The following OR5T1 variants were observed in gnomAD, a reference collection of about 807,000 sequenced individuals.
OR5T1 encodes olfactory receptor family 5 subfamily T member 1.
A neutral mutation model predicts 10.1 loss-of-function variants in OR5T1; 14 were observed. That is an observed-to-expected ratio of 1.39 (90% confidence interval 0.92 to 2.18). OR5T1 has a LOEUF of 2.18. Among genes scored for constraint, OR5T1 ranks in the 30% most tolerant of loss-of-function variants. The probability of loss-of-function intolerance (pLI) is 0.00; values close to 1 mark genes in which losing one functional copy is unlikely to be tolerated. For synonymous variants in OR5T1, 166 were observed against 141.2 expected (o/e 1.18, Z -1.24); for missense variants, 461 against 383.9 (o/e 1.20, Z -1.68).
Position 56,275,658 on chromosome 11 carries a change from A to T in OR5T1, c.20A>T (p.Asp7Val). Residue 7 changes from aspartate (D) to valine (V), a missense_variant, in exon 3 of 3, where the codon GAT becomes GTT. By Grantham distance (152) the Asp-to-Val change is radical. Coordinates refer to ENST00000641665, the MANE Select transcript of OR5T1 (RefSeq NM_001004745.2). The stretch of plus-strand genomic sequence containing the variant: ...GCTAAAATGTCAGGGTTGCCTTCAG[A>T]TATGGATCTATACAAGCTTCAATTA... Reference protein sequence around the residue: MSGLPSDMDLYKLQLNN... With the variant: MSGLPSVMDLYKLQLNN... 1 of 1,585,662 alleles carries T rather than the reference A, an allele frequency of 6.3e-7. No homozygotes were observed.
chr11:56,276,305 A>G lies in OR5T1; in HGVS notation c.667A>G (p.Ile223Val), dbSNP rs1285809149. The change falls in exon 3 of 3, where the codon ATC becomes GTC. Residue 223 changes from isoleucine to valine, a missense_variant. Ile to Val is a conservative substitution (Grantham distance 29). Transcript: ENST00000641665. ...TGTGGGCTCTATTGAGATAGTCACTATCCTGATTGTCCTGATCTCCTATGG... is the reference window on the plus strand; with the variant it reads ...TGTGGGCTCTATTGAGATAGTCACTGTCCTGATTGTCCTGATCTCCTATGG... ...YFVGSIEIVT[I>V]LIVLISYGFI... The G allele has an allele frequency of 1.2e-5, 20 of 1,613,970 alleles. No individual in the cohort carries two copies. The highest frequency in any genetic ancestry group is 1.7e-5 in the Non-Finnish European group (20 of 1,179,992).
rs1431773332 is a variant in OR5T1 at position 56,275,827 on chromosome 11, G to A, written c.189G>A (p.Gly63=). Residue 63 remains glycine, a synonymous_variant, in exon 3 of 3, where the codon GGG becomes GGA. Transcript: ENST00000641665. ...GNLGLVVPII[G]DFWLHSPMYY... ...TAGGGCTGGTTGTACCGATCATTGGGGATTTCTGGCTTCACAGCCCAATGT... is the reference window on the plus strand; with the variant it reads ...TAGGGCTGGTTGTACCGATCATTGGAGATTTCTGGCTTCACAGCCCAATGT... The A allele has an allele frequency of 1.2e-6, 2 of 1,613,414 alleles. No individual in the cohort carries two copies. Among genetic ancestry groups the A allele is most frequent in the African/African-American group, 1.3e-5 (1 of 74,960 alleles).
Position 56,276,155 on chromosome 11 carries a change from G to A in OR5T1, c.517G>A (p.Val173Met), listed in dbSNP as rs1853938921. Residue 173 changes from valine (V) to methionine (M), a missense_variant, in exon 3 of 3, where the codon GTG becomes ATG. Physicochemically the swap from Val to Met is conservative, Grantham distance 21 (BLOSUM62 1). Coordinates refer to ENST00000641665, the MANE Select transcript of OR5T1 (RefSeq NM_001004745.2). Reference protein sequence around the residue: ...ASILHATIHTVATFSLSFCGS... With the variant: ...ASILHATIHTMATFSLSFCGS... Reference sequence around the variant, plus strand: ...CATTTTACATGCTACTATACATACAGTGGCTACATTTAGCCTGTCCTTCTG... The same window carrying A: ...CATTTTACATGCTACTATACATACAATGGCTACATTTAGCCTGTCCTTCTG... The A allele has an allele frequency of 1.2e-6, 2 of 1,613,864 alleles. No individual in the cohort carries two copies. Among genetic ancestry groups the A allele is most frequent in the Non-Finnish European group, 8.5e-7 (1 of 1,179,900 alleles).
chr11:56,276,285 G>T lies in OR5T1; in HGVS notation c.647G>T (p.Gly216Val). Reference sequence around the variant, plus strand: ...CAGCTTCTATTCTTCTACTTTGTGGGCTCTATTGAGATAGTCACTATCCTG... The same window carrying T: ...CAGCTTCTATTCTTCTACTTTGTGGTCTCTATTGAGATAGTCACTATCCTG... Reference protein sequence around the residue: ...VIQLLFFYFVGSIEIVTILIV... With the variant: ...VIQLLFFYFVVSIEIVTILIV... Residue 216 changes from glycine to valine, a missense_variant, in exon 3 of 3, where the codon GGC (glycine) becomes GTC (valine). Coordinates refer to ENST00000641665, the MANE Select transcript of OR5T1 (RefSeq NM_001004745.2). The T allele has an allele frequency of 3.1e-6, 5 of 1,613,998 alleles. No homozygotes were observed. Among genetic ancestry groups the T allele is most frequent in the Non-Finnish European group, 4.2e-6 (5 of 1,179,988 alleles).
chr11:56,275,574 G>T lies in OR5T1; in HGVS notation c.-65G>T. On this transcript the variant is annotated 5_prime_UTR_variant, in exon 3 of 3. Transcript: ENST00000641665. ...TGCTTTTCCAAGAAACGAACATGAGGATATAATTGGATAAACTTAATTTTC... is the reference window on the plus strand; with the variant it reads ...TGCTTTTCCAAGAAACGAACATGAGTATATAATTGGATAAACTTAATTTTC... 2 of 1,265,756 alleles carry T rather than the reference G, an allele frequency of 1.6e-6. No individual in the cohort carries two copies. The highest frequency in any genetic ancestry group is 4.7e-5 in the East Asian group (2 of 42,558). 78.4% of individuals were successfully genotyped at this position (1,265,756 alleles called of 1,614,324 possible). A position where few individuals can be genotyped will look rare whatever the true frequency, so the allele number is the denominator to read the frequency against.
Position 56,275,735 on chromosome 11 carries a change from T to C in OR5T1, c.97T>C (p.Phe33Leu), listed in dbSNP as rs144628883. The C allele has an allele frequency of 1.4e-5, 23 of 1,611,212 alleles. No homozygotes were observed. The highest frequency in any genetic ancestry group is 1.7e-4 in the Middle Eastern group (1 of 5,984). ...TATATTAATAAGCTTCACAGAAGAA[T>C]TTGATGTGCAAGTCTTCCTATTTTT... ...MFILISFTEE[F>L]DVQVFLFLLF... The change falls in exon 3 of 3, where the codon TTT becomes CTT. Residue 33 changes from phenylalanine to leucine, a missense_variant. Transcript: ENST00000641665.
Position 56,275,625 on chromosome 11 carries a change from A to G in OR5T1, c.-14A>G. Reference sequence around the variant, plus strand: ...ACAGGCTGTTGCATTTAGTACATATAAACAATAGCTAAAATGTCAGGGTTG... The same window carrying G: ...ACAGGCTGTTGCATTTAGTACATATGAACAATAGCTAAAATGTCAGGGTTG... On this transcript the variant is annotated 5_prime_UTR_variant, in exon 3 of 3. The change creates a new upstream start codon in the 5' untranslated region. Transcript: ENST00000641665. 1 of 1,542,242 alleles carries G rather than the reference A, an allele frequency of 6.5e-7. No individual in the cohort carries two copies. Among genetic ancestry groups the G allele is most frequent in the Middle Eastern group, 2.1e-4 (1 of 4,800 alleles).
rs1853930160 is a variant in OR5T1, at chr11:56,275,809, G to A, written c.171G>A (p.Leu57=). 6.2e-7 allele frequency: 1 copy of A among 1,613,280 alleles called. No individual in the cohort carries two copies. The highest frequency in any genetic ancestry group is 2.2e-5 in the East Asian group (1 of 44,856). ...YLFTLIGNLG[L]VVPIIGDFWL... ...TCACTCTAATAGGCAATTTAGGGCT[G>A]GTTGTACCGATCATTGGGGATTTCT... is the stretch of plus-strand genomic sequence containing the variant. Residue 57 remains leucine (L), a synonymous_variant, in exon 3 of 3, where the codon CTG becomes CTA. Coordinates refer to ENST00000641665, the MANE Select transcript of OR5T1 (RefSeq NM_001004745.2).
rs761096949 is a variant in OR5T1 at position 56,275,736 on chromosome 11, T to C, written c.98T>C (p.Phe33Ser). 6.2e-7 allele frequency: 1 copy of C among 1,611,310 alleles called. No individual in the cohort carries two copies. Among genetic ancestry groups the C allele is most frequent in the Admixed American group, 1.7e-5 (1 of 59,992 alleles). ...ATATTAATAAGCTTCACAGAAGAAT[T>C]TGATGTGCAAGTCTTCCTATTTTTA... is the stretch of plus-strand genomic sequence containing the variant. ...MFILISFTEEFDVQVFLFLLF... is the reference protein window; with the variant it reads ...MFILISFTEESDVQVFLFLLF... The change falls in exon 3 of 3, where the codon TTT (phenylalanine) becomes TCT (serine). Residue 33 changes from phenylalanine (F) to serine (S), a missense_variant. Coordinates refer to ENST00000641665, the MANE Select transcript of OR5T1 (RefSeq NM_001004745.2).
At position 56,276,433 on chromosome 11, in the gene OR5T1, G is replaced by A; in HGVS notation, c.795G>A (p.Gly265=). ...TAACTGGAGTGACAATTTATCATGG[G>A]ACAATCCTCTTCATGTATGTGAGAC... ...AHLTGVTIYH[G]TILFMYVRPS... Residue 265 remains glycine, a synonymous_variant, in exon 3 of 3, where the codon GGG becomes GGA. Transcript: ENST00000641665. 6.2e-7 allele frequency: 1 copy of A among 1,613,962 alleles called. No individual in the cohort carries two copies. Among genetic ancestry groups the A allele is most frequent in the South Asian group, 1.1e-5 (1 of 91,072 alleles).
rs1853935242 is a variant in OR5T1 at position 56,276,030 on chromosome 11, C to T, written c.392C>T (p.Ala131Val). The change falls in exon 3 of 3, where the codon GCT (alanine) becomes GTT (valine). Residue 131 changes from alanine to valine, a missense_variant. By Grantham distance (64) the Ala-to-Val change is moderately conservative. Transcript: ENST00000641665. ...GAATGCTTTCTCTTGGCTGCAATGG[C>T]TTATGATCGCTATGTAGCCATCTAC... The part of the protein sequence containing the change: ...TTECFLLAAM[A>V]YDRYVAIYNP... 1 of 1,614,206 alleles carries T rather than the reference C, an allele frequency of 6.2e-7. No homozygotes were observed. The highest frequency in any genetic ancestry group is 8.5e-7 in the Non-Finnish European group (1 of 1,180,032).
chr11:56,275,282 C>T (rs1016832962), intron 2 of OR5T1, among the ~76,000 whole-genome samples: 1 of 152,100 alleles, frequency 6.6e-6, no homozygotes, highest in South Asian at 2.1e-4. Flanking sequence ...ACCCTCCGAC[C>T]GGCCCTGGCG....
rs1334263725 is a variant in OR5T1, at chr11:56,276,378, G to GA, written c.744dup (p.Val249SerfsTer35). 6.2e-7 allele frequency: 1 copy of GA among 1,614,000 alleles called. No individual in the cohort carries two copies. The highest frequency in any genetic ancestry group is 8.5e-7 in the Non-Finnish European group (1 of 1,180,034). The stretch of plus-strand genomic sequence containing the variant: ...AAGATGCAGTCTGCTGAAGGGAGGA[G>GA]AAAAGTCTTCTCTACATGTGGAGCT... On this transcript the variant is annotated frameshift_variant, in exon 3 of 3. Transcript: ENST00000641665. LOFTEE classifies it low-confidence loss of function (END_TRUNC).
chr11:56,275,283 G>A (rs1009406548), intron 2 of OR5T1, among the ~76,000 whole-genome samples: 13 of 151,982 alleles, frequency 8.6e-5, no homozygotes, highest in South Asian at 2.1e-4. Context: ...CCCTCCGACC[G>A]GCCCTGGCGT....
At position 56,275,874 on chromosome 11, in the gene OR5T1, C is replaced by T. The variant is rs866744236; in HGVS notation, c.236C>T (p.Ser79Leu). Residue 79 changes from serine to leucine, a missense_variant, in exon 3 of 3, where the codon TCA becomes TTA. Physicochemically the swap from Ser to Leu is moderately radical, Grantham distance 145 (BLOSUM62 -2). Transcript: ENST00000641665. ...ATGTACTATTTTCTTGGTGTTTTAT[C>T]ATTCTTGGATGTCTGCTATTCTACA... Reference protein sequence around the residue: ...SPMYYFLGVLSFLDVCYSTVV... With the variant: ...SPMYYFLGVLLFLDVCYSTVV... 6 of 1,614,114 alleles carry T rather than the reference C, an allele frequency of 3.7e-6. No individual in the cohort carries two copies. The highest frequency in any genetic ancestry group is 5.1e-6 in the Non-Finnish European group (6 of 1,180,006).
Position 56,275,905 on chromosome 11 carries a change from C to A in OR5T1, c.267C>A (p.Val89=). ...TGGATGTCTGCTATTCTACAGTTGT[C>A]ACTCCAAAAATGTTGGTCAATTTCC... ...SFLDVCYSTV[V]TPKMLVNFLA... The change falls in exon 3 of 3, where the codon GTC becomes GTA. Residue 89 remains valine, a synonymous_variant. Transcript: ENST00000641665. The A allele has an allele frequency of 6.2e-7, 1 of 1,614,142 alleles. No homozygotes were observed. Among genetic ancestry groups the A allele is most frequent in the Non-Finnish European group, 8.5e-7 (1 of 1,180,016 alleles).
chr11:56,276,382 AG>A lies in OR5T1; in HGVS notation c.745del (p.Val249SerfsTer9), dbSNP rs1853946819. The A allele has an allele frequency of 6.2e-7, 1 of 1,613,962 alleles. No homozygotes were observed. Among genetic ancestry groups the A allele is most frequent in the Non-Finnish European group, 8.5e-7 (1 of 1,180,000 alleles). ...KMQSAEGRRK[V>X]FSTCGAHLTG... ...TGCAGTCTGCTGAAGGGAGGAGAAAAGTCTTCTCTACATGTGGAGCTCACCT... is the reference window on the plus strand; with the variant it reads ...TGCAGTCTGCTGAAGGGAGGAGAAAATCTTCTCTACATGTGGAGCTCACCT... On this transcript the variant is annotated frameshift_variant, in exon 3 of 3. Transcript: ENST00000641665. LOFTEE classifies it low-confidence loss of function (END_TRUNC).
chr11:56,276,345 C>A lies in OR5T1; in HGVS notation c.707C>A (p.Ala236Asp), dbSNP rs369271609. 2.9e-5 allele frequency: 47 copies of A among 1,613,936 alleles called. No individual in the cohort carries two copies. Among genetic ancestry groups the A allele is most frequent in the Non-Finnish European group, 3.8e-5 (45 of 1,180,018 alleles). ...VLISYGFILL[A>D]ILKMQSAEGR... is the part of the protein sequence containing the mutation. ...ATCTCCTATGGTTTTATTCTGTTGG[C>A]CATTCTGAAGATGCAGTCTGCTGAA... The change falls in exon 3 of 3, where the codon GCC becomes GAC. Residue 236 changes from alanine (A) to aspartate (D), a missense_variant. Ala to Asp is a moderately radical substitution (Grantham distance 126, BLOSUM62 -2). Coordinates refer to ENST00000641665, the MANE Select transcript of OR5T1 (RefSeq NM_001004745.2).
intron 2 of OR5T1, 38 bp downstream of exon 2, chr11:56,274,791 A>C (rs1003800630): frequency 6.6e-6 from 1 of 152,160 alleles, no homozygotes; most frequent in African/African-American, 2.4e-5. Flanking sequence ...TTGCCAAAAA[A>C]AAAAAAAGGA....
Sources: allele counts gnomAD v4.1 joint callset (sites outside exome capture counted in the v4.1 genomes callset), GRCh38; gene constraint gnomAD v4.1.1; transcripts MANE v1.5; gene names NCBI Gene and HGNC (gene_info 2026-07-23, HGNC 2026-07-21).